Variants in PPEF1 observed in about 807,000 individuals in gnomAD.
The protein encoded by PPEF1 is protein phosphatase with EF-hand domain 1.
Under a neutral mutation model 53.3 loss-of-function variants are expected in PPEF1, and 12 were observed. The observed-to-expected ratio is 0.23, with a 90% CI of 0.14 to 0.36. The LOEUF is 0.36. Ranked by LOEUF, PPEF1 falls within the 10% of genes least tolerant of loss-of-function variation. The pLI is 1.00. For synonymous variants in PPEF1, 165 were observed against 176.7 expected (o/e 0.93, Z 0.52); for missense variants, 334 against 490.4 (o/e 0.68, Z 3.01).
At chrX:18,798,629 C>T (rs2046480566) in intron 10 of PPEF1, among the ~76,000 whole-genome samples, 1 of 110,392 alleles carries the variant, frequency 9.1e-6, no homozygotes, top group African/African-American at 3.3e-5. Context: ...GGGCTGAGCA[C>T]GGCTTTTTTT....
At chrX:18,788,836 A>G (rs188503177) in intron 9 of PPEF1, among the ~76,000 whole-genome samples, 2 of 112,625 alleles carry the variant, frequency 1.8e-5, no homozygotes, top group Non-Finnish European at 3.7e-5. Flanking sequence ...TGTGGATGCC[A>G]CAGAATGTGT....
chrX:18,716,561 A>G, intron 1 of PPEF1, among the ~76,000 whole-genome samples: 1 of 107,397 alleles, frequency 9.3e-6, no homozygotes, highest in Non-Finnish European at 1.9e-5. Context: ...AAAATCGAAC[A>G]ATCAAGCCAT....
intron 3 of PPEF1, among the ~76,000 whole-genome samples, chrX:18,749,019 T>G (rs1266279525): frequency 2.7e-5 from 3 of 111,838 alleles, no homozygotes; most frequent in East Asian, 5.7e-4. Flanking sequence ...TTGCAATCCA[T>G]CTACCATGTT....
chrX:18,762,988 G>A (rs2045697205), intron 6 of PPEF1, among the ~76,000 whole-genome samples: 1 of 111,614 alleles, frequency 9.0e-6, no homozygotes, highest in South Asian at 3.8e-4. Context: ...TGGCTCCAGG[G>A]AGAAGGCCTG....
chrX:18,682,092 C>T (rs1285889250), upstream of PPEF1, among the ~76,000 whole-genome samples: 3 of 112,779 alleles, frequency 2.7e-5, no homozygotes, highest in Non-Finnish European at 5.6e-5. Flanking sequence ...AAGAAGGCCT[C>T]GGTGACTCCA....
rs891348331 is a variant in PPEF1 at position 18,827,842 on chromosome X, T to G, written c.*355T>G. ...ACAGCACAAGAGAAAACTACTAAGC[T>G]TGACATCTGTGAGTGACTGAGGGAG... is the stretch of plus-strand genomic sequence containing the variant. On this transcript the variant is annotated 3_prime_UTR_variant, in exon 16 of 16. Transcript: ENST00000470157. 30 of 143,457 alleles carry G rather than the reference T, an allele frequency of 2.1e-4. No homozygotes were observed. The highest frequency in any genetic ancestry group is 9.1e-4 in the African/African-American group (29 of 31,959). The allele number at this position is 143,457 out of a possible 1,213,427, so 11.8% of individuals were successfully genotyped here.
intron 4 of PPEF1, among the ~76,000 whole-genome samples, chrX:18,752,270 T>C (rs2045459888): frequency 8.9e-6 from 1 of 111,785 alleles, no homozygotes; most frequent in South Asian, 3.7e-4. Context: ...ATAAAAGGAA[T>C]TGTTTTCTTA....
chrX:18,781,157 TG>T lies in PPEF1; in HGVS notation c.726-1207del, dbSNP rs2046077917. Among the ~76,000 whole-genome samples, 3 of 109,507 alleles carry T rather than the reference TG, an allele frequency of 2.7e-5. No homozygotes were observed. In the South Asian group the frequency reaches 1.2e-3, roughly 43 times the overall value. ...GGCATCATTCACGATATTGGGAATG[TG>T]GAAAGAGGAGAGAGGTTGGGATGAG... On this transcript the variant is annotated intron_variant, in intron 7 of 15. Coordinates refer to ENST00000470157, the MANE Select transcript of PPEF1 (RefSeq NM_001377996.1).
intron 2 of PPEF1, among the ~76,000 whole-genome samples, chrX:18,733,139 G>T (rs763903902): frequency 9.0e-6 from 1 of 111,654 alleles, no homozygotes; most frequent in African/African-American, 3.2e-5. Context: ...CGGGGAGGCG[G>T]AGGTTACAGT....
intron 1 of PPEF1, among the ~76,000 whole-genome samples, chrX:18,684,623 C>T (rs899206306): frequency 2.0e-5 from 2 of 100,773 alleles, no homozygotes; most frequent in Non-Finnish European, 2.0e-5. Context: ...TTCTCTCTCT[C>T]TTTTTTTTTT....
intron 12 of PPEF1, among the ~76,000 whole-genome samples, chrX:18,813,661 C>T (rs2046851725): frequency 9.0e-6 from 1 of 111,186 alleles, no homozygotes; most frequent in African/African-American, 3.3e-5. Flanking sequence ...TGCATTCACT[C>T]TTTGATAATT....
At chrX:18,708,460 A>G (rs2044250505) in intron 1 of PPEF1, among the ~76,000 whole-genome samples, 1 of 112,404 alleles carries the variant, frequency 8.9e-6, no homozygotes, top group African/African-American at 3.2e-5. Context: ...TAGTTGAAAC[A>G]AACTTGAGCA....
At chrX:18,745,580 A>T (rs1331392647) in intron 3 of PPEF1, among the ~76,000 whole-genome samples, 1 of 111,147 alleles carries the variant, frequency 9.0e-6, no homozygotes, top group Non-Finnish European at 1.9e-5. Context: ...ATCTTTCTAT[A>T]CAATAATTAC....
At chrX:18,694,827 G>C (rs1396581855) in intron 4 of PPEF1, among the ~76,000 whole-genome samples, 1 of 111,779 alleles carries the variant, frequency 8.9e-6, no homozygotes, top group Admixed American at 9.5e-5. Context: ...ATCTGGCCTG[G>C]AGGAACTGGA....
chrX:18,800,067 G>A (rs2046518566), intron 10 of PPEF1, among the ~76,000 whole-genome samples: 1 of 111,238 alleles, frequency 9.0e-6, no homozygotes, highest in Non-Finnish European at 1.9e-5. Flanking sequence ...TAGAATCAAA[G>A]AAAAATGAGT....
At chrX:18,750,919 T>G (rs144170923) in intron 4 of PPEF1, among the ~76,000 whole-genome samples, 1,434 of 111,662 alleles carry the variant, frequency 0.013, 15 homozygotes, top group Non-Finnish European at 0.018. Context: ...TGGTTTTGTT[T>G]TGCATTTCCC....
chrX:18,734,699 G>A (rs776143585), intron 3 of PPEF1, among the ~76,000 whole-genome samples: 15 of 111,313 alleles, frequency 1.3e-4, no homozygotes, highest in African/African-American at 2.9e-4. Flanking sequence ...TTGAGGAATC[G>A]CCACACTGTC....
At chrX:18,824,246 C>T (rs777182723) in intron 14 of PPEF1, among the ~76,000 whole-genome samples, 160 bp downstream of exon 14, 225 of 111,337 alleles carry the variant, frequency 2.0e-3, no homozygotes, top group African/African-American at 6.9e-3. Context: ...TCGAGACCAG[C>T]CTGACCAACA....
At chrX:18,749,681 A>C in intron 3 of PPEF1, 111 bp from the exon 4 acceptor site, 1 of 536,189 alleles carries the variant, frequency 1.9e-6, no homozygotes, top group Non-Finnish European at 3.0e-6. Flanking sequence ...AACATTTAGC[A>C]CAGTGCCTTA....
Sources: gnomAD v4.1 joint callset for allele counts (sites outside exome capture counted in the v4.1 genomes callset) on GRCh38, gnomAD v4.1.1 for gene constraint, MANE v1.5 for transcripts, NCBI Gene and HGNC (gene_info 2026-07-23, HGNC 2026-07-21) for gene names.